The following KCNIP1 variants were observed in gnomAD, a reference collection of about 807,000 sequenced individuals.
KCNIP1 encodes the protein A-type potassium channel modulatory protein KCNIP1.
A neutral mutation model predicts 33.0 loss-of-function variants in KCNIP1; 18 were observed. That is an observed-to-expected ratio of 0.55 (90% CI 0.38 to 0.81). The LOEUF is 0.81. Ranked by LOEUF, KCNIP1 falls within the 30% of genes least tolerant of loss-of-function variation. The pLI, the probability that KCNIP1 is intolerant of heterozygous loss-of-function variation, is 0.00. For missense variants in KCNIP1, 238 were observed against 271.6 expected (o/e 0.88, Z 0.87); for synonymous variants, 93 against 98.3 (o/e 0.95, Z 0.32).
At chr5:170,502,273 C>A (rs1757429214), upstream of KCNIP1, among the ~76,000 whole-genome samples, 1 of 152,216 alleles carries the variant, frequency 6.6e-6, no homozygotes, top group African/African-American at 2.4e-5. Flanking sequence ...TGCCCCTCCC[C>A]TGTTGCACAA....
At chr5:170,426,604 G>A (rs562877177) in intron 1 of KCNIP1, among the ~76,000 whole-genome samples, 13 of 152,358 alleles carry the variant, frequency 8.5e-5, no homozygotes, top group East Asian at 3.9e-4. Context: ...CACTAGGGGC[G>A]CTGTGAGCAT....
At chr5:170,418,504 C>T (rs1755392487) in intron 1 of KCNIP1, among the ~76,000 whole-genome samples, 1 of 152,178 alleles carries the variant, frequency 6.6e-6, no homozygotes, top group Non-Finnish European at 1.5e-5. Context: ...ACTGGGTTCC[C>T]TTGGCTCCCT....
intron 1 of KCNIP1, among the ~76,000 whole-genome samples, chr5:170,709,574 G>T (rs2113851908): frequency 6.6e-6 from 1 of 152,228 alleles, no homozygotes; most frequent in Admixed American, 6.5e-5. Context: ...TATATCTGAT[G>T]ATTTCTATCT....
chr5:170,483,337 A>G (rs1757017633), intron 1 of KCNIP1: 1 of 218,992 alleles, frequency 4.6e-6, no homozygotes, highest in Admixed American at 5.7e-5. Flanking sequence ...AGTGACCATC[A>G]CTGGGATATT....
Position 170,707,089 on chromosome 5 carries a change from A to G in KCNIP1, c.62-11669A>G, listed in dbSNP as rs140310267. 6.5e-4 allele frequency among the ~76,000 whole-genome samples: 98 copies of G among 150,516 alleles called. 1 individual carries two copies. In the East Asian group the frequency reaches 0.017, roughly 26 times the overall value. On this transcript the variant is annotated intron_variant, in intron 1 of 7. Coordinates refer to ENST00000328939, the MANE Select transcript of KCNIP1 (RefSeq NM_014592.4). ...CTGAAATACACTAGCTGGTGGCAGG[A>G]TTGGGACGTCATTTGACTAATTGCC...
chr5:170,508,979 C>G (rs1362526824), intron 1 of KCNIP1, among the ~76,000 whole-genome samples: 2 of 152,102 alleles, frequency 1.3e-5, no homozygotes, highest in Non-Finnish European at 2.9e-5. Flanking sequence ...CTTCACAACT[C>G]TCTGCTTGGT....
chr5:170,627,196 C>A (rs1759865376), intron 1 of KCNIP1, among the ~76,000 whole-genome samples: 1 of 152,202 alleles, frequency 6.6e-6, no homozygotes, highest in Non-Finnish European at 1.5e-5. Context: ...TTCTCCGCAG[C>A]CCCTCACCAT....
chr5:170,657,302 G>A (rs1444916362), intron 1 of KCNIP1, among the ~76,000 whole-genome samples: 1 of 152,106 alleles, frequency 6.6e-6, no homozygotes, highest in African/African-American at 2.4e-5. Flanking sequence ...AGCCAACTCA[G>A]TAAGTCTTTT....
intron 1 of KCNIP1, among the ~76,000 whole-genome samples, chr5:170,666,903 G>C (rs920727645): frequency 2.0e-5 from 3 of 152,228 alleles, no homozygotes; most frequent in African/African-American, 7.2e-5. Context: ...ATACATCACT[G>C]TTCTGTGACT....
At chr5:170,568,170 A>G (rs1438398670) in intron 1 of KCNIP1, among the ~76,000 whole-genome samples, 2 of 152,192 alleles carry the variant, frequency 1.3e-5, no homozygotes, top group Non-Finnish European at 2.9e-5. Context: ...TGTGGTTGCC[A>G]TTCTTATTGC....
At position 170,721,828 on chromosome 5, in the gene KCNIP1, T is replaced by C. The variant is rs1254661119; in HGVS notation, c.257-5T>C. 6.2e-7 allele frequency: 1 copy of C among 1,614,180 alleles called. No individual in the cohort carries two copies. Among genetic ancestry groups the C allele is most frequent in the South Asian group, 1.1e-5 (1 of 91,078 alleles). ...CATCACCTGCCCTCCTTTTCTGCCT[T>C]GTAGATGCCAGCACGTATGCCCATT... On this transcript the variant is annotated splice_polypyrimidine_tract_variant and splice_region_variant and intron_variant, in intron 3 of 7. Coordinates refer to ENST00000328939, the MANE Select transcript of KCNIP1 (RefSeq NM_014592.4).
rs562030154 is a variant in KCNIP1 at position 170,721,842 on chromosome 5, C to T, written c.266C>T (p.Thr89Met). ...CTTTTCTGCCTTGTAGATGCCAGCA[C>T]GTATGCCCATTACCTCTTCAATGCC... Reference protein sequence around the residue: ...AQFFPHGDASTYAHYLFNAFD... With the variant: ...AQFFPHGDASMYAHYLFNAFD... The change falls in exon 4 of 8, where the codon ACG becomes ATG. Residue 89 changes from threonine (T) to methionine (M), a missense_variant. Physicochemically the swap from Thr to Met is moderately conservative, Grantham distance 81 (BLOSUM62 -1). Transcript: ENST00000328939. 89 of 1,614,166 alleles carry T rather than the reference C, an allele frequency of 5.5e-5. 1 individual carries two copies. In the South Asian group the frequency reaches 8.8e-4, roughly 16 times the overall value.
At position 170,547,946 on chromosome 5, in the gene KCNIP1, C is replaced by T. The variant is rs899157004; in HGVS notation, c.61+43313C>T. Reference sequence around the variant, plus strand: ...TCTCTAGGTTTTTGAGAAATCTCCACGCTGTCTTCCACAATGTTTGAACTA... The same window carrying T: ...TCTCTAGGTTTTTGAGAAATCTCCATGCTGTCTTCCACAATGTTTGAACTA... On this transcript the variant is annotated intron_variant, in intron 1 of 7. Transcript: ENST00000328939. Among the ~76,000 whole-genome samples, 6 of 152,158 alleles carry T rather than the reference C, an allele frequency of 3.9e-5. 1 individual carries two copies. Among genetic ancestry groups the T allele is most frequent in the East Asian group, 1.9e-4 (1 of 5,202 alleles).
At chr5:170,434,165 T>TGTTATAGAAAAATA (rs1335648798) in intron 1 of KCNIP1, among the ~76,000 whole-genome samples, 29 of 152,248 alleles carry the variant, frequency 1.9e-4, no homozygotes, top group African/African-American at 7.0e-4. Flanking sequence ...CTCAATTTTT[T>TGTTATAGAAAAATA]GTTTTCTATA....
intron 1 of KCNIP1, among the ~76,000 whole-genome samples, chr5:170,487,043 A>T (rs368350355): frequency 2.6e-5 from 4 of 152,354 alleles, no homozygotes; most frequent in African/African-American, 9.6e-5. Context: ...ACACACAGAC[A>T]TATCTATATA....
intron 1 of KCNIP1, among the ~76,000 whole-genome samples, chr5:170,482,082 C>T (rs770728129): frequency 6.6e-5 from 10 of 152,192 alleles, no homozygotes; most frequent in Admixed American, 2.6e-4. Context: ...CAGTCTATGT[C>T]TTAAACCAAG....
At chr5:170,424,777 C>G (rs374651254) in intron 1 of KCNIP1, among the ~76,000 whole-genome samples, 1 of 152,328 alleles carries the variant, frequency 6.6e-6, no homozygotes, top group East Asian at 1.9e-4. Context: ...GCTCAAAAGC[C>G]TCCAATGGCA....
At chr5:170,674,161 AAGGAAGGAAGGAAGGAAGGAAGGG>A (rs1762032849) in intron 1 of KCNIP1, among the ~76,000 whole-genome samples, 2 of 79,412 alleles carry the variant, frequency 2.5e-5, no homozygotes, top group African/African-American at 1.1e-4. Context: ...GGAAGGAAGG[AAGGAAGGAAGGAAGGAAGGAAGGG>A]AGGGAGGGAG....
At chr5:170,700,296 G>A (rs912410810) in intron 1 of KCNIP1, among the ~76,000 whole-genome samples, 1 of 152,016 alleles carries the variant, frequency 6.6e-6, no homozygotes, top group Non-Finnish European at 1.5e-5. Flanking sequence ...GCCTAAGTTC[G>A]CATGGTAACC....
Sources: gnomAD v4.1 joint callset for allele counts (sites outside exome capture counted in the v4.1 genomes callset) on GRCh38, gnomAD v4.1.1 for gene constraint, MANE v1.5 for transcripts, NCBI Gene and HGNC (gene_info 2026-07-23, HGNC 2026-07-21) for gene names.